PKHD1L1: variants seen among roughly 807,000 people sequenced by gnomAD.
PKHD1L1 encodes PKHD1 like 1.
Under a neutral mutation model 462.9 loss-of-function variants are expected in PKHD1L1, and 434 were observed. The observed-to-expected ratio is 0.94, with a 90% CI of 0.87 to 1.02. The LOEUF (loss-of-function observed/expected upper bound fraction) is 1.02, where lower values mean the gene tolerates loss of function less well. Among genes scored for constraint, PKHD1L1 ranks in the 50% least tolerant of loss-of-function variants. PKHD1L1 has a pLI of 0.00. For synonymous variants in PKHD1L1, 1,781 were observed against 1,750.0 expected (o/e 1.02, Z -0.44); for missense variants, 5,202 against 5,096.1 (o/e 1.02, Z -0.63).
chr8:109,396,242 A>G (rs771121857), intron 11 of PKHD1L1, 105 bp downstream of exon 11: 14 of 803,068 alleles, frequency 1.7e-5, no homozygotes, highest in Non-Finnish European at 2.8e-5. Flanking sequence ...CATGCCTTCA[A>G]TTGGAAGCTG....
At chr8:109,398,262 A>C (rs1426593628) in intron 11 of PKHD1L1, among the ~76,000 whole-genome samples, 197 bp from the exon 12 acceptor site, 1 of 152,184 alleles carries the variant, frequency 6.6e-6, no homozygotes, top group Non-Finnish European at 1.5e-5. Flanking sequence ...CACCAGAAAA[A>C]AATGTTGCTT....
intron 70 of PKHD1L1, 132 bp downstream of exon 70, chr8:109,508,396 C>A: frequency 1.1e-6 from 1 of 886,730 alleles, no homozygotes; most frequent in Non-Finnish European, 1.7e-6. Context: ...CCATTTGTAA[C>A]AATGAGCAAT....
intron 58 of PKHD1L1, among the ~76,000 whole-genome samples, chr8:109,485,587 G>A (rs1243050210): frequency 6.6e-6 from 1 of 151,948 alleles, no homozygotes; most frequent in African/African-American, 2.4e-5. Context: ...TAATTGTTGA[G>A]GAAAGAAGGA....
chr8:109,489,270 GT>G (rs144136132), intron 59 of PKHD1L1, among the ~76,000 whole-genome samples: 1 of 151,558 alleles, frequency 6.6e-6, no homozygotes, highest in Non-Finnish European at 1.5e-5. Flanking sequence ...CTGTGCCTCA[GT>G]TTTTTTTAAC....
intron 2 of PKHD1L1, among the ~76,000 whole-genome samples, chr8:109,365,478 T>C (rs1811183395): frequency 6.6e-6 from 1 of 152,200 alleles, no homozygotes; most frequent in Non-Finnish European, 1.5e-5. Context: ...TACTTCTACA[T>C]TATAAACAAT....
chr8:109,505,020 C>T (rs985430516), intron 68 of PKHD1L1, among the ~76,000 whole-genome samples: 2 of 152,066 alleles, frequency 1.3e-5, no homozygotes, highest in South Asian at 2.1e-4. Context: ...ACTACAAGCA[C>T]AAGCCACTAT....
chr8:109,490,974 T>C lies in PKHD1L1; in HGVS notation c.9987T>C (p.Ile3329=). The C allele has an allele frequency of 6.2e-7, 1 of 1,603,904 alleles. No homozygotes were observed. Among genetic ancestry groups the C allele is most frequent in the Non-Finnish European group, 8.5e-7 (1 of 1,173,208 alleles). Reference sequence around the variant, plus strand: ...CTCTGTATCCCAATGTTGTATAGATTCAAGAACATGGCTCATCTTATATTC... The same window carrying C: ...CTCTGTATCCCAATGTTGTATAGATCCAAGAACATGGCTCATCTTATATTC... ...YAVTFLNLGQ[I]QEHGSSYIRG... The change falls in exon 61 of 78, where the codon ATT becomes ATC. Residue 3329 remains isoleucine (I), a splice_region_variant and synonymous_variant. Transcript: ENST00000378402.
At chr8:109,478,864 T>C (rs1364063727) in intron 53 of PKHD1L1, among the ~76,000 whole-genome samples, 1 of 152,164 alleles carries the variant, frequency 6.6e-6, no homozygotes, top group Non-Finnish European at 1.5e-5. Flanking sequence ...ATAATTGGAT[T>C]GATTAATTTG....
chr8:109,444,698 G>C lies in PKHD1L1; in HGVS notation c.4829G>C (p.Ser1610Thr), dbSNP rs1816017247. The C allele has an allele frequency of 1.9e-6, 3 of 1,613,934 alleles. No individual in the cohort carries two copies. Among genetic ancestry groups the C allele is most frequent in the African/African-American group, 1.3e-5 (1 of 75,058 alleles). ...AGCTACCCCTGTGTCGTAGAAGAAAGTAGTGAGGATTCAATTACATGTCAT... is the reference window on the plus strand; with the variant it reads ...AGCTACCCCTGTGTCGTAGAAGAAACTAGTGAGGATTCAATTACATGTCAT... ...IGSYPCVVEE[S>T]SEDSITCHID... The change falls in exon 38 of 78, where the codon AGT becomes ACT. Residue 1610 changes from serine (S) to threonine (T), a missense_variant. Around this residue, in one of 3 missense-constraint regions of PKHD1L1, gnomAD observed 4,497 missense variants for 4,336.8 expected, o/e 1.04. Transcript: ENST00000378402.
At chr8:109,522,389 T>C (rs1820596594) in intron 74 of PKHD1L1, 52 bp downstream of exon 74, 1 of 1,434,470 alleles carries the variant, frequency 7.0e-7, no homozygotes, top group African/African-American at 1.5e-5. Context: ...AAAATATCAT[T>C]ACTTATTTCT....
chr8:109,512,513 C>T (rs903321962), intron 71 of PKHD1L1, among the ~76,000 whole-genome samples: 6 of 151,946 alleles, frequency 3.9e-5, no homozygotes, highest in South Asian at 2.1e-4. Context: ...TGTAGATATG[C>T]GGCATTATTT....
At chr8:109,396,643 A>T (rs954285083) in intron 11 of PKHD1L1, among the ~76,000 whole-genome samples, 1 of 152,246 alleles carries the variant, frequency 6.6e-6, no homozygotes, top group Admixed American at 6.5e-5. Flanking sequence ...ATCTGTTTAC[A>T]AATCCATGTA....
intron 73 of PKHD1L1, among the ~76,000 whole-genome samples, chr8:109,519,191 A>G (rs1586659838): frequency 6.6e-6 from 1 of 152,084 alleles, no homozygotes; most frequent in South Asian, 2.1e-4. Context: ...CTCACAAGCC[A>G]TCATCCCCTC....
intron 44 of PKHD1L1, among the ~76,000 whole-genome samples, 176 bp downstream of exon 44, chr8:109,454,422 G>A (rs570112646): frequency 6.6e-6 from 1 of 152,196 alleles, no homozygotes; most frequent in African/African-American, 2.4e-5. Flanking sequence ...CCAGAATCTT[G>A]TGTTTTTAAT....
chr8:109,387,051 T>C (rs539502526), intron 6 of PKHD1L1, among the ~76,000 whole-genome samples: 1 of 152,290 alleles, frequency 6.6e-6, no homozygotes, highest in South Asian at 2.1e-4. Flanking sequence ...GCTGCATTTG[T>C]CTCATTTCTC....
At chr8:109,460,916 C>A (rs1395806355) in intron 47 of PKHD1L1, among the ~76,000 whole-genome samples, 1 of 152,112 alleles carries the variant, frequency 6.6e-6, no homozygotes, top group African/African-American at 2.4e-5. Flanking sequence ...AAAGCACTAG[C>A]AACTCATTGC....
chr8:109,499,962 A>G (rs943280003), intron 67 of PKHD1L1, among the ~76,000 whole-genome samples: 1 of 152,182 alleles, frequency 6.6e-6, no homozygotes, highest in Non-Finnish European at 1.5e-5. Context: ...GTTTTTGGTT[A>G]CAGCTGCCCC....
intron 2 of PKHD1L1, among the ~76,000 whole-genome samples, chr8:109,380,439 C>A (rs1047490617): frequency 1.3e-5 from 2 of 152,190 alleles, no homozygotes; most frequent in African/African-American, 4.8e-5. Context: ...TTTGACTCAA[C>A]TTATGCTTCC....
intron 59 of PKHD1L1, 52 bp from the exon 60 acceptor site, chr8:109,489,900 T>G (rs1586612800): frequency 6.3e-6 from 7 of 1,119,512 alleles, no homozygotes; most frequent in Middle Eastern, 2.0e-4. Context: ...TCAAAAATGT[T>G]TTATTCCAAC....
Sources: allele counts gnomAD v4.1 joint callset (sites outside exome capture counted in the v4.1 genomes callset), GRCh38; gene constraint gnomAD v4.1.1; regional missense constraint gnomAD v4.1.1; transcripts MANE v1.5; gene names NCBI Gene and HGNC (gene_info 2026-07-23, HGNC 2026-07-21).